Variants in WWOX observed in about 807,000 individuals in gnomAD.
WWOX encodes WW domain-containing oxidoreductase.
In WWOX, 69 loss-of-function variants were observed where a neutral mutation model predicts 46.2. The ratio of observed to expected loss-of-function variants is 1.49; its 90% CI spans 1.23 to 1.82. The LOEUF (loss-of-function observed/expected upper bound fraction) is 1.82, where lower values mean the gene tolerates loss of function less well. Ranked by LOEUF, WWOX falls within the 40% of genes most tolerant of loss-of-function variation. WWOX has a pLI of 0.00. For missense variants in WWOX, 919 were observed against 542.6 expected, an observed-to-expected ratio of 1.69 and a Z score of -6.89; for synonymous variants, 359 against 202.6, an observed-to-expected ratio of 1.77 and a Z score of -6.56.
intron 6 of WWOX, among the ~76,000 whole-genome samples, chr16:78,388,222 G>C (rs1237204585): frequency 1.3e-5 from 2 of 152,096 alleles, no homozygotes; most frequent in African/African-American, 4.8e-5. Flanking sequence ...GTAGACATAG[G>C]GTTTCACCAT....
chr16:78,214,063 A>G (rs921754877), intron 5 of WWOX, among the ~76,000 whole-genome samples: 1 of 152,064 alleles, frequency 6.6e-6, no homozygotes, highest in Non-Finnish European at 1.5e-5. Flanking sequence ...GGCCCATCAG[A>G]CTTACCTTGC....
chr16:78,839,050 A>AT (rs780349308), intron 8 of WWOX, among the ~76,000 whole-genome samples: 5 of 152,170 alleles, frequency 3.3e-5, no homozygotes, highest in Non-Finnish European at 5.9e-5. Context: ...GATATCACCT[A>AT]TGGGGGAAAC....
chr16:78,734,746 C>T (rs950840203), intron 8 of WWOX, among the ~76,000 whole-genome samples: 11 of 146,918 alleles, frequency 7.5e-5, no homozygotes, highest in East Asian at 2.1e-4. Context: ...GCCTGAGCTT[C>T]GTCTCATCAG....
chr16:79,211,488 A>G, intron 8 of WWOX, 120 bp from the exon 9 acceptor site: 1 of 1,305,480 alleles, frequency 7.7e-7, no homozygotes, highest in South Asian at 1.2e-5. Context: ...TGCTATGCCA[A>G]GATCCAGCTG....
intron 8 of WWOX, among the ~76,000 whole-genome samples, chr16:79,142,324 G>C (rs938545803): frequency 6.6e-6 from 1 of 152,132 alleles, no homozygotes; most frequent in African/African-American, 2.4e-5. Flanking sequence ...AGTAGAAATG[G>C]CTCAATTTTG....
At chr16:78,988,324 A>G (rs939962537) in intron 8 of WWOX, among the ~76,000 whole-genome samples, 7 of 150,704 alleles carry the variant, frequency 4.6e-5, no homozygotes, top group African/African-American at 1.5e-4. Flanking sequence ...AGCCCAGGCA[A>G]CAAGAGCAAA....
intron 8 of WWOX, among the ~76,000 whole-genome samples, chr16:78,753,723 G>A (rs954673132): frequency 6.8e-6 from 1 of 147,696 alleles, no homozygotes; most frequent in African/African-American, 2.5e-5. Context: ...GATTGCTTGA[G>A]CCTGGGAAGT....
At chr16:78,624,849 T>C (rs569201717) in intron 8 of WWOX, among the ~76,000 whole-genome samples, 1 of 152,226 alleles carries the variant, frequency 6.6e-6, no homozygotes, top group African/African-American at 2.4e-5. Context: ...GGAGCAGATA[T>C]CGTATGAACA....
intron 8 of WWOX, among the ~76,000 whole-genome samples, chr16:78,663,636 A>G (rs1239124323): frequency 6.6e-6 from 1 of 152,214 alleles, no homozygotes; most frequent in African/African-American, 2.4e-5. Context: ...ATGTCTTAGC[A>G]GTGATGTCTA....
In WWOX at chr16:78,802,314, A is replaced by C. The variant is rs1015655555; in HGVS notation, c.1056+369562A>C. ...GGTGTTTCATTTTCCCAGCAATGCT[A>C]TAGGACACAGAAAGGAACATAAATT... On this transcript the variant is annotated intron_variant, in intron 8 of 8. Transcript: ENST00000566780. 4.8e-5 allele frequency among the ~76,000 whole-genome samples: 7 copies of C among 145,052 alleles called. No individual in the cohort carries two copies. The East Asian group carries it at 1.2e-3, about 26-fold the overall frequency.
chr16:78,196,993 T>C (rs1206557421), intron 5 of WWOX, among the ~76,000 whole-genome samples: 1 of 152,194 alleles, frequency 6.6e-6, no homozygotes, highest in African/African-American at 2.4e-5. Context: ...ATTACTTGTC[T>C]AATATATAAT....
chr16:78,627,952 T>C (rs1352435775), intron 8 of WWOX, among the ~76,000 whole-genome samples: 1 of 152,204 alleles, frequency 6.6e-6, no homozygotes, highest in African/African-American at 2.4e-5. Flanking sequence ...TGTCACCTGT[T>C]GAGAGCTCTG....
intron 5 of WWOX, among the ~76,000 whole-genome samples, chr16:78,281,588 C>T (rs1413228656): frequency 2.0e-5 from 3 of 152,134 alleles, no homozygotes; most frequent in Non-Finnish European, 4.4e-5. Flanking sequence ...GCCAACTACT[C>T]AACTCTGCCC....
chr16:79,126,402 A>T (rs2049755495), intron 8 of WWOX, among the ~76,000 whole-genome samples: 1 of 152,114 alleles, frequency 6.6e-6, no homozygotes, highest in Non-Finnish European at 1.5e-5. Context: ...AGGTAATTTG[A>T]TCATGGGGGT....
intron 8 of WWOX, among the ~76,000 whole-genome samples, chr16:79,143,428 A>T (rs111747905): frequency 3.3e-5 from 5 of 152,264 alleles, no homozygotes; most frequent in African/African-American, 1.2e-4. Flanking sequence ...AGGCTTTATG[A>T]CTTACCTGAA....
intron 8 of WWOX, among the ~76,000 whole-genome samples, chr16:78,948,392 A>C: frequency 6.6e-6 from 1 of 152,124 alleles, no homozygotes; most frequent in Non-Finnish European, 1.5e-5. Context: ...CAGATCTCAG[A>C]ACTTGTATCT....
chr16:78,409,193 G>A (rs8047899), intron 6 of WWOX, among the ~76,000 whole-genome samples: 3 of 152,016 alleles, frequency 2.0e-5, no homozygotes, highest in African/African-American at 7.3e-5. Flanking sequence ...AGTCCTATTG[G>A]TTTAAAAAAA....
At chr16:78,241,403 G>A (rs1426051181) in intron 5 of WWOX, among the ~76,000 whole-genome samples, 1 of 151,930 alleles carries the variant, frequency 6.6e-6, no homozygotes, top group East Asian at 1.9e-4. Context: ...TGATGATTGT[G>A]GTTGCTGTTG....
At chr16:78,399,976 A>G (rs1009959724) in intron 6 of WWOX, among the ~76,000 whole-genome samples, 1 of 152,210 alleles carries the variant, frequency 6.6e-6, no homozygotes, top group Non-Finnish European at 1.5e-5. Context: ...TCCCCAAGGA[A>G]GATTATATTT....
Sources: allele counts gnomAD v4.1 joint callset (sites outside exome capture counted in the v4.1 genomes callset), GRCh38; gene constraint gnomAD v4.1.1; transcripts MANE v1.5; gene names NCBI Gene and HGNC (gene_info 2026-07-23, HGNC 2026-07-21).